GRID1: variants seen among roughly 807,000 people sequenced by gnomAD.
The protein encoded by GRID1 is glutamate receptor ionotropic, delta-1.
GRID1 carries 28 observed loss-of-function variants against 98.0 expected under a neutral mutation model. That is an observed-to-expected ratio of 0.29 (90% CI 0.21 to 0.39). The LOEUF is 0.39. Ranked by LOEUF, GRID1 falls within the 10% of genes least tolerant of loss-of-function variation. The pLI, the probability that GRID1 is intolerant of heterozygous loss-of-function variation, is 1.00. For synonymous variants in GRID1, 553 were observed against 538.5 expected, an observed-to-expected ratio of 1.03 and a Z score of -0.37; for missense variants, 1,111 against 1,340.5, an observed-to-expected ratio of 0.83 and a Z score of 2.67.
At chr10:85,743,106 C>CG (rs1554828610) in intron 8 of GRID1, among the ~76,000 whole-genome samples, 1 of 33,412 alleles carries the variant, frequency 3.0e-5, no homozygotes, top group African/African-American at 8.8e-5. Flanking sequence ...AATTATGCAG[C>CG]CCCCCCCCCC....
At chr10:86,304,859 A>G (rs1351375289) in intron 2 of GRID1, among the ~76,000 whole-genome samples, 1 of 151,918 alleles carries the variant, frequency 6.6e-6, no homozygotes, top group Non-Finnish European at 1.5e-5. Flanking sequence ...CTCAGCCCTG[A>G]GCCTCTTGGT....
At chr10:86,271,258 T>C (rs1404421388) in intron 2 of GRID1, among the ~76,000 whole-genome samples, 1 of 152,232 alleles carries the variant, frequency 6.6e-6, no homozygotes, top group Non-Finnish European at 1.5e-5. Flanking sequence ...TAGTAGTAGC[T>C]CTGTCCTGCC....
chr10:85,677,100 A>G (rs935025945), intron 12 of GRID1, among the ~76,000 whole-genome samples: 1 of 152,194 alleles, frequency 6.6e-6, no homozygotes, highest in African/African-American at 2.4e-5. Flanking sequence ...CTCCTCTGAT[A>G]AACTCAAAAT....
At chr10:86,320,828 G>A (rs139733020) in intron 2 of GRID1, among the ~76,000 whole-genome samples, 1,567 of 152,192 alleles carry the variant, frequency 0.01, 32 homozygotes, top group African/African-American at 0.036. Context: ...AGCCGGGCGC[G>A]GTGGCTCACG....
chr10:85,825,531 A>T (rs1328558322), intron 8 of GRID1, among the ~76,000 whole-genome samples: 2 of 152,126 alleles, frequency 1.3e-5, no homozygotes, highest in Non-Finnish European at 2.9e-5. Context: ...AAGCATTTGA[A>T]TTTAATTATG....
chr10:85,716,174 T>G (rs1016200497), intron 12 of GRID1, among the ~76,000 whole-genome samples: 10 of 152,158 alleles, frequency 6.6e-5, no homozygotes, highest in Admixed American at 1.3e-4. Context: ...CCCAAAGTGC[T>G]CGATTACAGG....
rs1845849638 is a variant in GRID1, at chr10:86,194,759, G to A, written c.520+11605C>T. Among the ~76,000 whole-genome samples, 4 of 151,922 alleles carry A rather than the reference G, an allele frequency of 2.6e-5. No homozygotes were observed. The South Asian group carries it at 8.3e-4, about 32-fold the overall frequency. ...CTGCCCTGCTGGAACCCCTCACATTGGGCTGGTCTCTGCTCAGCCCTCCTC... is the reference window on the plus strand; with the variant it reads ...CTGCCCTGCTGGAACCCCTCACATTAGGCTGGTCTCTGCTCAGCCCTCCTC... On this transcript the variant is annotated intron_variant, in intron 3 of 15. Coordinates refer to ENST00000327946, the MANE Select transcript of GRID1 (RefSeq NM_017551.3).
chr10:86,095,226 A>G (rs1844204360), intron 4 of GRID1, among the ~76,000 whole-genome samples: 1 of 152,214 alleles, frequency 6.6e-6, no homozygotes. Context: ...AAGGACTTAA[A>G]CCTAAGACCT....
In GRID1 at chr10:86,053,560, C is replaced by T. The variant is rs546201330; in HGVS notation, c.726+85259G>A. Reference sequence around the variant, plus strand: ...TATTTTTAGTAGAGATGGGGTTTCGCCGTGTTGGCCAGGCTGGTCTCGAAC... The same window carrying T: ...TATTTTTAGTAGAGATGGGGTTTCGTCGTGTTGGCCAGGCTGGTCTCGAAC... On this transcript the variant is annotated intron_variant, in intron 4 of 15. Transcript: ENST00000327946. Among the ~76,000 whole-genome samples, 15 of 151,974 alleles carry T rather than the reference C, an allele frequency of 9.9e-5. No homozygotes were observed. In the South Asian group the frequency reaches 2.9e-3, roughly 29 times the overall value.
Position 86,066,438 on chromosome 10 carries a change from A to G in GRID1, c.726+72381T>C, listed in dbSNP as rs559924687. 1.3e-4 allele frequency among the ~76,000 whole-genome samples: 20 copies of G among 152,266 alleles called. No individual in the cohort carries two copies. The South Asian group carries it at 3.5e-3, about 27-fold the overall frequency. On this transcript the variant is annotated intron_variant, in intron 4 of 15. Transcript: ENST00000327946. ...GTATTACAATTTTTAGCCCTAAGAG[A>G]GGACACTCATCCCCATTTTCCAGAT... is the stretch of plus-strand genomic sequence containing the variant.
At chr10:86,193,017 G>A (rs1448024521) in intron 3 of GRID1, among the ~76,000 whole-genome samples, 2 of 151,988 alleles carry the variant, frequency 1.3e-5, no homozygotes, top group Non-Finnish European at 2.9e-5. Context: ...AGAAGGTGAG[G>A]CAATGAAAAA....
intron 4 of GRID1, among the ~76,000 whole-genome samples, chr10:86,002,358 A>T (rs1216984612): frequency 1.3e-5 from 2 of 152,186 alleles, no homozygotes; most frequent in Non-Finnish European, 2.9e-5. Context: ...TTTATCCTGA[A>T]TTGCATTTTT....
intron 2 of GRID1, among the ~76,000 whole-genome samples, chr10:86,360,235 C>G (rs1848583492): frequency 6.6e-6 from 1 of 151,942 alleles, no homozygotes; most frequent in African/African-American, 2.4e-5. Context: ...ACAAATAGTT[C>G]ATAGTGATTT....
intron 2 of GRID1, among the ~76,000 whole-genome samples, chr10:86,359,630 C>CT (rs1389667061): frequency 6.6e-6 from 1 of 152,206 alleles, no homozygotes; most frequent in African/African-American, 2.4e-5. Flanking sequence ...CTTTCCTAAA[C>CT]TGTTATCCTT....
Position 85,599,966 on chromosome 10 carries a change from C to G in GRID1, c.*2307G>C, listed in dbSNP as rs1431800991. 1 of 150,356 alleles carries G rather than the reference C, an allele frequency of 6.7e-6. No individual in the cohort carries two copies. The highest frequency in any genetic ancestry group is 1.5e-5 in the Non-Finnish European group (1 of 67,820). The allele number at this position is 150,356 out of a possible 1,614,324, so 9.3% of individuals were successfully genotyped here. A position where few individuals can be genotyped will look rare whatever the true frequency, so the allele number is the denominator to read the frequency against. The stretch of plus-strand genomic sequence containing the variant: ...ACACACACACACAGGCGCACAAACA[C>G]ATCCTCCATCTCCCTCTCTTTCCTC... On this transcript the variant is annotated 3_prime_UTR_variant, in exon 16 of 16. Coordinates refer to ENST00000327946, the MANE Select transcript of GRID1 (RefSeq NM_017551.3).
At chr10:85,753,524 T>A (rs1842067609) in intron 8 of GRID1, among the ~76,000 whole-genome samples, 1 of 152,222 alleles carries the variant, frequency 6.6e-6, no homozygotes, top group Admixed American at 6.5e-5. Flanking sequence ...AAGATGACAC[T>A]AAAACCAAAG....
chr10:85,750,206 G>A (rs1432984770), intron 8 of GRID1, among the ~76,000 whole-genome samples: 2 of 152,136 alleles, frequency 1.3e-5, no homozygotes, highest in Admixed American at 6.5e-5. Context: ...GGTGACTAGG[G>A]TGTAGATCTG....
chr10:85,684,209 C>G (rs1273675130), intron 12 of GRID1, among the ~76,000 whole-genome samples: 1 of 152,086 alleles, frequency 6.6e-6, no homozygotes, highest in Non-Finnish European at 1.5e-5. Context: ...TAATTGTTAC[C>G]ACAAAATAGC....
chr10:86,145,566 A>ACACACACACACACACACC lies in GRID1; in HGVS notation c.521-6543_521-6542insGGTGTGTGTGTGTGTGTG, dbSNP rs1329387534. On this transcript the variant is annotated intron_variant, in intron 3 of 15. Transcript: ENST00000327946. The stretch of plus-strand genomic sequence containing the variant: ...TCCACATACACACACACACACACAC[A>ACACACACACACACACACC]CACACCCTCCCTCCACTGGGATGCT... 3.7e-4 allele frequency among the ~76,000 whole-genome samples: 57 copies of ACACACACACACACACACC among 152,012 alleles called. 1 individual carries two copies. The highest frequency in any genetic ancestry group is 1.4e-3 in the African/African-American group (57 of 41,450).
Sources: allele counts gnomAD v4.1 joint callset (sites outside exome capture counted in the v4.1 genomes callset), GRCh38; gene constraint gnomAD v4.1.1; transcripts MANE v1.5; gene names NCBI Gene and HGNC (gene_info 2026-07-23, HGNC 2026-07-21).